The following SCN8A variants were observed in gnomAD, a reference collection of about 807,000 sequenced individuals.
SCN8A encodes sodium voltage-gated channel alpha subunit 8, also known as sodium channel protein type 8 subunit alpha.
SCN8A carries 30 observed loss-of-function variants against 184.1 expected under a neutral mutation model. That is an observed-to-expected ratio of 0.16 (90% confidence interval 0.12 to 0.22). SCN8A has a LOEUF of 0.22. Ranked by LOEUF, SCN8A falls within the 10% of genes least tolerant of loss-of-function variation. The pLI is 1.00. For synonymous variants in SCN8A, 852 were observed against 907.0 expected (o/e 0.94, Z 1.09); for missense variants, 1,057 against 2,498.9 (o/e 0.42, Z 12.30).
At chr12:51,660,042 T>G (rs761003689) in intron 1 of SCN8A, among the ~76,000 whole-genome samples, 2 of 151,980 alleles carry the variant, frequency 1.3e-5, no homozygotes, top group Non-Finnish European at 2.9e-5. Flanking sequence ...ATAAATGAGA[T>G]CCCTAAAAGA....
At chr12:51,787,821 A>C (rs899035349) in intron 22 of SCN8A, among the ~76,000 whole-genome samples, 4 of 152,194 alleles carry the variant, frequency 2.6e-5, no homozygotes, top group African/African-American at 9.7e-5. Context: ...CATGGAATGA[A>C]CTGTAGTTTT....
intron 11 of SCN8A, 77 bp from the exon 12 acceptor site, chr12:51,721,469 C>A: frequency 2.1e-6 from 3 of 1,438,958 alleles, no homozygotes; most frequent in Non-Finnish European, 2.8e-6. Flanking sequence ...GGGAACCTAA[C>A]CACTTTGCTC....
rs1375729425 is a variant in SCN8A at position 51,812,795 on chromosome 12, C to G, written c.*5366C>G. 1 of 152,188 alleles carries G rather than the reference C, an allele frequency of 6.6e-6. No individual in the cohort carries two copies. The highest frequency in any genetic ancestry group is 1.5e-5 in the Non-Finnish European group (1 of 68,028). 9.4% of individuals were successfully genotyped at this position (152,188 alleles called of 1,614,324 possible). On this transcript the variant is annotated 3_prime_UTR_variant, in exon 27 of 27. Transcript: ENST00000627620. ...TTTATAGTATGAAATTTCAATTTTA[C>G]TTTGTACTGTACATCTTTTTACTTT... is the stretch of plus-strand genomic sequence containing the variant.
chr12:51,607,905 T>A (rs1416922621), intron 1 of SCN8A, among the ~76,000 whole-genome samples: 1 of 152,156 alleles, frequency 6.6e-6, no homozygotes, highest in African/African-American at 2.4e-5. Context: ...GGTTATGTCC[T>A]TTTCTGGTTT....
chr12:51,774,814 C>T (rs564840937), intron 20 of SCN8A, among the ~76,000 whole-genome samples: 9 of 152,246 alleles, frequency 5.9e-5, no homozygotes, highest in South Asian at 2.1e-4. Flanking sequence ...ATGAACACTT[C>T]CATCCAACTC....
chr12:51,697,999 G>C (rs541864562), intron 6 of SCN8A, among the ~76,000 whole-genome samples: 1 of 152,080 alleles, frequency 6.6e-6, no homozygotes. Context: ...GATTACAGGC[G>C]TATGCCACCA....
intron 1 of SCN8A, among the ~76,000 whole-genome samples, chr12:51,626,572 T>G (rs1205401688): frequency 6.6e-6 from 1 of 152,196 alleles, no homozygotes; most frequent in Non-Finnish European, 1.5e-5. Flanking sequence ...CAAACATTTA[T>G]TGAATATCTA....
intron 2 of SCN8A, among the ~76,000 whole-genome samples, chr12:51,669,724 C>A (rs1368460053): frequency 1.2e-4 from 19 of 152,152 alleles, no homozygotes. Flanking sequence ...GTGGAGGGTA[C>A]CTGTGTTCCC....
rs767667849 is a variant in SCN8A at position 51,689,107 on chromosome 12, T to C, written c.706+11T>C. 1 of 1,591,576 alleles carries C rather than the reference T, an allele frequency of 6.3e-7. No homozygotes were observed. The highest frequency in any genetic ancestry group is 1.3e-5 in the African/African-American group (1 of 74,624). On this transcript the variant is annotated intron_variant, in intron 6 of 26. Coordinates refer to ENST00000627620, the MANE Select transcript of SCN8A (RefSeq NM_001330260.2). ...TCTCTGTAATTCCAGGTGAGAAAAT[T>C]TGTACATAAGACTGACTTTGCCACA...
rs773823344 is a variant in SCN8A, at chr12:51,684,156, CTCTT to C, written c.277-10_277-7del. On this transcript the variant is annotated splice_polypyrimidine_tract_variant and intron_variant, in intron 2 of 26. Coordinates refer to ENST00000627620, the MANE Select transcript of SCN8A (RefSeq NM_001330260.2). The stretch of plus-strand genomic sequence containing the variant: ...ATACCCATGCTTTAATAATTTCTCT[CTCTT>C]TCTTTCTCCACAGACCTTTGTAGTA... The C allele has an allele frequency of 2.3e-5, 28 of 1,212,416 alleles. No individual in the cohort carries two copies. In the South Asian group the frequency reaches 2.5e-4, roughly 11 times the overall value. 75.1% of individuals were successfully genotyped at this position (1,212,416 alleles called of 1,614,324 possible).
At chr12:51,740,849 A>T (rs1249348842) in intron 12 of SCN8A, among the ~76,000 whole-genome samples, 3 of 152,136 alleles carry the variant, frequency 2.0e-5, no homozygotes, top group Non-Finnish European at 4.4e-5. Context: ...GAGTGGTGCG[A>T]TCTCAGCCCG....
chr12:51,591,629 C>T (rs926077230), intron 1 of SCN8A, among the ~76,000 whole-genome samples: 3 of 152,206 alleles, frequency 2.0e-5, no homozygotes, highest in African/African-American at 7.2e-5. Flanking sequence ...ACCCTGCTTT[C>T]TCCGTCTCGG....
Position 51,765,556 on chromosome 12 carries a change from G to A in SCN8A, c.2545-115G>A, listed in dbSNP as rs747087392. On this transcript the variant is annotated intron_variant, in intron 15 of 26. Coordinates refer to ENST00000627620, the MANE Select transcript of SCN8A (RefSeq NM_001330260.2). ...TAGACAGTCCTGGGAATTTTCCAAG[G>A]GTGCTCAATATATTTAATCTGATCT... The A allele has an allele frequency of 1.5e-5, 10 of 665,962 alleles. No individual in the cohort carries two copies. The African/African-American group carries it at 1.8e-4, about 12-fold the overall frequency. 41.3% of individuals were successfully genotyped at this position (665,962 alleles called of 1,614,324 possible).
intron 7 of SCN8A, among the ~76,000 whole-genome samples, chr12:51,700,200 G>A (rs1941663342): frequency 6.6e-6 from 1 of 151,028 alleles, no homozygotes; most frequent in South Asian, 2.1e-4. Context: ...AAAAGAGGTA[G>A]TTGGAGCTGG....
chr12:51,656,607 T>C (rs900873799), intron 1 of SCN8A, among the ~76,000 whole-genome samples: 5 of 151,978 alleles, frequency 3.3e-5, no homozygotes, highest in Admixed American at 3.3e-4. Flanking sequence ...TTTAACCCAA[T>C]AGGAAAAAGT....
chr12:51,713,119 C>T lies in SCN8A; in HGVS notation c.1635+6404C>T, dbSNP rs1941908527. 8 of 1,241,424 alleles carry T rather than the reference C, an allele frequency of 6.4e-6. No individual in the cohort carries two copies. The East Asian group carries it at 1.8e-4, about 29-fold the overall frequency. The allele number at this position is 1,241,424 out of a possible 1,614,324, so 76.9% of individuals were successfully genotyped here. ...AAAAGCAGATCCTCTCTTTTTTCCA[C>T]TCTGCCTCTCTTGCATAACTTCTAT... On this transcript the variant is annotated intron_variant, in intron 11 of 26. Transcript: ENST00000627620.
At chr12:51,791,605 T>G (rs926079894) in intron 25 of SCN8A, among the ~76,000 whole-genome samples, 43 of 152,372 alleles carry the variant, frequency 2.8e-4, no homozygotes, top group African/African-American at 1.0e-3. Flanking sequence ...AGGGTTAACA[T>G]TTCTAAAGTT....
chr12:51,717,123 G>A (rs1308545761), intron 11 of SCN8A, among the ~76,000 whole-genome samples: 4 of 151,966 alleles, frequency 2.6e-5, no homozygotes, highest in East Asian at 1.9e-4. Flanking sequence ...ATATTTCCCC[G>A]TATGGCCCTC....
chr12:51,731,944 G>A (rs1326567166), intron 12 of SCN8A, among the ~76,000 whole-genome samples: 2 of 152,068 alleles, frequency 1.3e-5, no homozygotes, highest in Non-Finnish European at 2.9e-5. Context: ...AGAGTTCTTG[G>A]AGCTCCTTAT....
Sources: allele counts gnomAD v4.1 joint callset (sites outside exome capture counted in the v4.1 genomes callset), GRCh38; gene constraint gnomAD v4.1.1; transcripts MANE v1.5; gene names NCBI Gene and HGNC (gene_info 2026-07-23, HGNC 2026-07-21).